Variants in COBL observed in about 807,000 individuals in gnomAD.
COBL encodes the protein cordon-bleu WH2 repeat protein.
Under a neutral mutation model 98.8 loss-of-function variants are expected in COBL, and 51 were observed. The observed-to-expected ratio is 0.52, with a 90% confidence interval of 0.41 to 0.65. The LOEUF is 0.65. COBL is among the 30% of genes least tolerant of loss of function. COBL has a pLI of 0.00. For synonymous variants in COBL, 634 were observed against 651.7 expected (o/e 0.97, Z 0.41); for missense variants, 1,617 against 1,617.5 (o/e 1.00, Z 0.01).
intron 1 of COBL, among the ~76,000 whole-genome samples, chr7:51,258,212 C>CT (rs904636054): frequency 6.0e-5 from 9 of 149,650 alleles, no homozygotes; most frequent in Non-Finnish European, 7.4e-5. Context: ...AAACCATATA[C>CT]TTTTTTTTTT....
chr7:51,235,455 GC>G (rs1300552924), intron 1 of COBL, among the ~76,000 whole-genome samples: 3 of 152,158 alleles, frequency 2.0e-5, no homozygotes, highest in Non-Finnish European at 4.4e-5. Context: ...CCTTCCTTTA[GC>G]CCCCAGACAC....
intron 1 of COBL, among the ~76,000 whole-genome samples, chr7:51,228,373 T>A (rs1794407750): frequency 6.7e-6 from 1 of 150,016 alleles, no homozygotes; most frequent in Non-Finnish European, 1.5e-5. Context: ...TTTTTTACTA[T>A]TATTATTAGC....
rs530041969 is a variant in COBL, at chr7:51,254,586, C to T, written c.42-34642G>A. 5.9e-5 allele frequency among the ~76,000 whole-genome samples: 9 copies of T among 152,224 alleles called. No homozygotes were observed. The East Asian group carries it at 1.7e-3, about 29-fold the overall frequency. ...TCTTTCCATCCCCCATTTTTCCATC[C>T]TCTTTGAGGTACAGGTGGACCCCCA... On this transcript the variant is annotated intron_variant, in intron 1 of 12. Coordinates refer to ENST00000265136, the MANE Select transcript of COBL (RefSeq NM_015198.5).
intron 1 of COBL, among the ~76,000 whole-genome samples, chr7:51,302,308 G>A (rs1430597678): frequency 1.3e-5 from 2 of 152,048 alleles, no homozygotes; most frequent in African/African-American, 2.4e-5. Context: ...TGGACTGGGC[G>A]CAGTGGCTCA....
At chr7:51,199,748 G>A (rs776822326) in intron 2 of COBL, among the ~76,000 whole-genome samples, 2 of 150,126 alleles carry the variant, frequency 1.3e-5, no homozygotes, top group Non-Finnish European at 3.0e-5. Context: ...CAGTAAATCT[G>A]AAGCCTGGTC....
chr7:51,094,430 G>T (rs1371745904), intron 6 of COBL, among the ~76,000 whole-genome samples: 2 of 152,082 alleles, frequency 1.3e-5, no homozygotes, highest in East Asian at 3.8e-4. Context: ...TAATTAGCTT[G>T]ATTGAATATT....
intron 2 of COBL, among the ~76,000 whole-genome samples, chr7:51,201,447 TGTAAA>T (rs1465780045): frequency 2.6e-5 from 4 of 152,170 alleles, no homozygotes; most frequent in Admixed American, 1.3e-4. Context: ...CACCTAAATA[TGTAAA>T]GTAAACATTC....
chr7:51,186,021 G>C (rs1316262364), intron 4 of COBL, among the ~76,000 whole-genome samples: 1 of 152,252 alleles, frequency 6.6e-6, no homozygotes, highest in Non-Finnish European at 1.5e-5. Context: ...ACCCAAATCA[G>C]AGGGCCCACT....
intron 6 of COBL, among the ~76,000 whole-genome samples, chr7:51,127,800 T>C (rs748500233): frequency 6.6e-6 from 1 of 152,116 alleles, no homozygotes; most frequent in Non-Finnish European, 1.5e-5. Flanking sequence ...CTCAGCTCTT[T>C]TGGGGGACAG....
intron 1 of COBL, among the ~76,000 whole-genome samples, chr7:51,273,214 A>G (rs1798935393): frequency 6.6e-6 from 1 of 151,738 alleles, no homozygotes; most frequent in Admixed American, 6.6e-5. Context: ...CTGTAATCCC[A>G]GCTACTTGGG....
intron 2 of COBL, among the ~76,000 whole-genome samples, chr7:51,218,552 C>T (rs1793318216): frequency 6.6e-6 from 1 of 152,214 alleles, no homozygotes; most frequent in Admixed American, 6.5e-5. Context: ...CGGTTCACTG[C>T]AACCTCTGTC....
At chr7:51,250,404 A>T (rs1189730670) in intron 1 of COBL, among the ~76,000 whole-genome samples, 1 of 152,246 alleles carries the variant, frequency 6.6e-6, no homozygotes, top group Non-Finnish European at 1.5e-5. Flanking sequence ...TAAAGTTTGA[A>T]AATAAAAATA....
At chr7:51,045,852 C>T (rs528896076) in intron 7 of COBL, among the ~76,000 whole-genome samples, 7 of 152,248 alleles carry the variant, frequency 4.6e-5, no homozygotes, top group African/African-American at 1.4e-4. Flanking sequence ...ACCTGCAAAG[C>T]CTTAAATCAA....
intron 5 of COBL, among the ~76,000 whole-genome samples, chr7:51,136,604 A>C (rs1184187233): frequency 6.6e-6 from 1 of 152,212 alleles, no homozygotes; most frequent in African/African-American, 2.4e-5. Context: ...AACACTTAGC[A>C]GCTAGAATCA....
chr7:51,277,303 T>C (rs1246461779), intron 1 of COBL, among the ~76,000 whole-genome samples: 1 of 152,184 alleles, frequency 6.6e-6, no homozygotes, highest in Non-Finnish European at 1.5e-5. Context: ...GGTATGTGTG[T>C]GCATCTGTGT....
intron 6 of COBL, among the ~76,000 whole-genome samples, chr7:51,113,374 T>C (rs540084778): frequency 6.6e-6 from 1 of 152,342 alleles, no homozygotes; most frequent in Admixed American, 6.5e-5. Flanking sequence ...TGAGCTACCA[T>C]GGCTATTGTT....
chr7:51,068,228 G>T (rs553997524), intron 7 of COBL, among the ~76,000 whole-genome samples: 2 of 152,312 alleles, frequency 1.3e-5, no homozygotes, highest in South Asian at 4.1e-4. Flanking sequence ...TGAAAACTTG[G>T]ATAGGGGAGA....
At chr7:51,248,471 C>A (rs1407457435) in intron 1 of COBL, among the ~76,000 whole-genome samples, 1 of 152,126 alleles carries the variant, frequency 6.6e-6, no homozygotes, top group African/African-American at 2.4e-5. Flanking sequence ...GTCAGACGAT[C>A]CATTGGTTCT....
At chr7:51,245,709 CAGAA>C (rs1198841591) in intron 1 of COBL, among the ~76,000 whole-genome samples, 4 of 152,148 alleles carry the variant, frequency 2.6e-5, no homozygotes, top group Non-Finnish European at 4.4e-5. Flanking sequence ...TCTCAGATCT[CAGAA>C]AGGTTCTAGA....
Sources: gnomAD v4.1 joint callset for allele counts (sites outside exome capture counted in the v4.1 genomes callset) on GRCh38, gnomAD v4.1.1 for gene constraint, MANE v1.5 for transcripts, NCBI Gene and HGNC (gene_info 2026-07-23, HGNC 2026-07-21) for gene names.